Variants in TAT observed in about 807,000 individuals in gnomAD.
The protein encoded by TAT is L-tyrosine:2-oxoglutarate aminotransferase.
A neutral mutation model predicts 53.6 loss-of-function variants in TAT; 35 were observed. That is an observed-to-expected ratio of 0.65 (90% confidence interval 0.50 to 0.87). TAT has a LOEUF of 0.87. Among genes scored for constraint, TAT ranks in the 40% least tolerant of loss-of-function variants. The probability of loss-of-function intolerance (pLI) is 0.00; values close to 1 mark genes in which losing one functional copy is unlikely to be tolerated. For synonymous variants in TAT, 197 were observed against 206.5 expected (o/e 0.95, Z 0.39); for missense variants, 525 against 571.8 (o/e 0.92, Z 0.83).
Position 71,569,880 on chromosome 16 carries a change from G to A in TAT, c.1099C>T (p.Arg367Cys), listed in dbSNP as rs759212173. The A allele has an allele frequency of 5.3e-5, 85 of 1,613,792 alleles. No homozygotes were observed. The highest frequency in any genetic ancestry group is 9.9e-5 in the South Asian group (9 of 90,970). Residue 367 changes from arginine (R) to cysteine (C), a missense_variant, in exon 10 of 12, where the codon CGC becomes TGC. Coordinates refer to ENST00000355962, the MANE Select transcript of TAT (RefSeq NM_000353.3). Reference sequence around the variant, plus strand: ...ATGAGGTACATAGCCCCAGAAGGGCGGACTGGCCGGAGTCCAGGGATGGCA... The same window carrying A: ...ATGAGGTACATAGCCCCAGAAGGGCAGACTGGCCGGAGTCCAGGGATGGCA... ...LAAIPGLRPV[R>C]PSGAMYLMVG...
In TAT at chr16:71,566,747, AAAG is replaced by A. The variant is rs2044165637; in HGVS notation, c.*1394_*1396del. ...TAACTCCAAAAGTCAGTACATTTAC[AAAG>A]AAGTAAATGAAACCTCATAGGTAAT... On this transcript the variant is annotated 3_prime_UTR_variant, in exon 12 of 12. Coordinates refer to ENST00000355962, the MANE Select transcript of TAT (RefSeq NM_000353.3). 6.6e-6 allele frequency: 1 copy of A among 152,146 alleles called. No individual in the cohort carries two copies. Among genetic ancestry groups the A allele is most frequent in the African/African-American group, 2.4e-5 (1 of 41,460 alleles). The allele number at this position is 152,146 out of a possible 1,614,324, so 9.4% of individuals were successfully genotyped here.
chr16:71,572,234 G>A lies in TAT; in HGVS notation c.658C>T (p.Pro220Ser). ...ACLIVNNPSN[P>S]CGSVFSKRHL... ...CGTTTGCTGAACACTGACCCACAGG[G>A]GTTTGATGGATTATTGACAATGAGA... Residue 220 changes from proline (P) to serine (S), a missense_variant, in exon 6 of 12, where the codon CCC becomes TCC. Coordinates refer to ENST00000355962, the MANE Select transcript of TAT (RefSeq NM_000353.3). The A allele has an allele frequency of 1.2e-6, 2 of 1,614,178 alleles. No homozygotes were observed. The highest frequency in any genetic ancestry group is 1.7e-6 in the Non-Finnish European group (2 of 1,180,014).
rs765262169 is a variant in TAT at position 71,570,395 on chromosome 16, G to T, written c.915C>A (p.Ile305=). Residue 305 remains isoleucine, a splice_region_variant and synonymous_variant, in exon 9 of 12, where the codon ATC becomes ATA. Transcript: ENST00000355962. ...GACTCAGCTTCACCAGCCCATCTCG[G>T]ATCTAAAAGACACCCACAAGAAACA... ...HDRRDIFGNE[I]RDGLVKLSQR... 2 of 1,614,116 alleles carry T rather than the reference G, an allele frequency of 1.2e-6. No individual in the cohort carries two copies. Among genetic ancestry groups the T allele is most frequent in the Admixed American group, 3.3e-5 (2 of 60,022 alleles).
intron 6 of TAT, chr16:71,571,883 C>G: frequency 1.6e-6 from 1 of 633,458 alleles, no homozygotes; most frequent in South Asian, 1.9e-5. Flanking sequence ...GAGTGCAGAG[C>G]CTGAATTCAC....
At chr16:71,569,995 G>T in intron 9 of TAT, 58 bp from the exon 10 acceptor site, 1 of 1,538,832 alleles carries the variant, frequency 6.5e-7, no homozygotes, top group Non-Finnish European at 8.9e-7. Flanking sequence ...GAAAAGCCAA[G>T]TCATTAAAAA....
In TAT at chr16:71,569,768, C is replaced by T. The variant is rs934286072; in HGVS notation, c.1125+86G>A. On this transcript the variant is annotated intron_variant, in intron 10 of 11. Coordinates refer to ENST00000355962, the MANE Select transcript of TAT (RefSeq NM_000353.3). ...GCCAGCTGGTTGTCTTTGTACCCTG[C>T]GTGACTGCCTGTGGCAATTCTGCTG... 2.6e-5 allele frequency: 34 copies of T among 1,305,438 alleles called. No homozygotes were observed. In the South Asian group the frequency reaches 2.9e-4, roughly 11 times the overall value. The allele number at this position is 1,305,438 out of a possible 1,614,324, so 80.9% of individuals were successfully genotyped here.
chr16:71,574,204 T>C (rs1246699745), intron 3 of TAT, among the ~76,000 whole-genome samples: 2 of 152,272 alleles, frequency 1.3e-5, no homozygotes, highest in African/African-American at 4.8e-5. Flanking sequence ...CTGCACCATC[T>C]TGATTTCTGT....
intron 11 of TAT, 92 bp downstream of exon 11, chr16:71,568,619 G>T (rs1341458308): frequency 1.1e-6 from 1 of 949,590 alleles, no homozygotes; most frequent in East Asian, 2.6e-5. Context: ...CATTTTGTTG[G>T]AGGAGAAAAG....
At chr16:71,572,844 A>G (rs1323475341) in intron 4 of TAT, among the ~76,000 whole-genome samples, 156 bp from the exon 5 acceptor site, 1 of 152,258 alleles carries the variant, frequency 6.6e-6, no homozygotes, top group East Asian at 1.9e-4. Flanking sequence ...AGAAATTTAT[A>G]TATGTTGATA....
chr16:71,571,104 T>C (rs961605040), intron 7 of TAT, among the ~76,000 whole-genome samples: 44 of 152,228 alleles, frequency 2.9e-4, no homozygotes, highest in Non-Finnish European at 1.8e-4. Flanking sequence ...AAGCTGGCTC[T>C]ATGAAATTAC....
At position 71,570,216 on chromosome 16, in the gene TAT, C is replaced by T. The variant is rs886833910; in HGVS notation, c.1041+53G>A. On this transcript the variant is annotated intron_variant, in intron 9 of 11. Transcript: ENST00000355962. ...AACCAATTATTCCTAATTCCACGGG[C>T]GGCATTCTCTGACTCCCAAACTCCC... is the stretch of plus-strand genomic sequence containing the variant. 53 of 1,613,266 alleles carry T rather than the reference C, an allele frequency of 3.3e-5. No homozygotes were observed. In the East Asian group the frequency reaches 4.9e-4, roughly 15 times the overall value.
Position 71,567,163 on chromosome 16 carries a change from C to CT in TAT, c.*980dup, listed in dbSNP as rs2044168914. 1 of 152,122 alleles carries CT rather than the reference C, an allele frequency of 6.6e-6. No individual in the cohort carries two copies. Among genetic ancestry groups the CT allele is most frequent in the South Asian group, 2.1e-4 (1 of 4,828 alleles). The allele number at this position is 152,122 out of a possible 1,614,324, so 9.4% of individuals were successfully genotyped here. A position where few individuals can be genotyped will look rare whatever the true frequency, so the allele number is the denominator to read the frequency against. On this transcript the variant is annotated 3_prime_UTR_variant, in exon 12 of 12. Transcript: ENST00000355962. ...GTGGCTCACGCCTGTAATCCCAGTA[C>CT]TTTAGGAGACCCAGGCGGGCAGATT...
intron 9 of TAT, 110 bp from the exon 10 acceptor site, chr16:71,570,047 T>G: frequency 7.6e-7 from 1 of 1,315,072 alleles, no homozygotes; most frequent in Non-Finnish European, 1.1e-6. Flanking sequence ...TGTGATGTTC[T>G]GGCATAAGGA....
At chr16:71,570,561 C>T in intron 8 of TAT, 118 bp downstream of exon 8, 1 of 1,570,352 alleles carries the variant, frequency 6.4e-7, no homozygotes, top group Non-Finnish European at 8.7e-7. Flanking sequence ...AGCTCTGCCA[C>T]ACACATGCTG....
rs781277865 is a variant in TAT at position 71,565,864 on chromosome 16, C to T, written c.*2280G>A. The T allele has an allele frequency of 6.6e-6, 1 of 152,124 alleles. No individual in the cohort carries two copies. The highest frequency in any genetic ancestry group is 2.4e-5 in the African/African-American group (1 of 41,404). 9.4% of individuals were successfully genotyped at this position (152,124 alleles called of 1,614,324 possible). Reference sequence around the variant, plus strand: ...GTTTGTTTGTATCGTTTGAAATTGTCCAGTGTGTATGTGTTCTTTTCAAAT... The same window carrying T: ...GTTTGTTTGTATCGTTTGAAATTGTTCAGTGTGTATGTGTTCTTTTCAAAT... On this transcript the variant is annotated 3_prime_UTR_variant, in exon 12 of 12. Transcript: ENST00000355962.
At chr16:71,576,093 AC>A in intron 2 of TAT, 67 bp from the exon 3 acceptor site, 1 of 1,607,844 alleles carries the variant, frequency 6.2e-7, no homozygotes, top group Non-Finnish European at 8.5e-7. Flanking sequence ...ACTCAGACTC[AC>A]CCCCAACTGC....
intron 10 of TAT, 67 bp from the exon 11 acceptor site, chr16:71,568,876 G>C (rs1201155203): frequency 2.6e-6 from 3 of 1,140,452 alleles, no homozygotes; most frequent in East Asian, 2.4e-5. Flanking sequence ...TCCTGTGCCA[G>C]AAATTAAGGT....
Position 71,569,918 on chromosome 16 carries a change from T to C in TAT, c.1061A>G (p.Tyr354Cys), listed in dbSNP as rs1353615248. 1.9e-6 allele frequency: 3 copies of C among 1,613,470 alleles called. No homozygotes were observed. The highest frequency in any genetic ancestry group is 2.5e-6 in the Non-Finnish European group (3 of 1,179,870). The stretch of plus-strand genomic sequence containing the variant: ...TCCAGGGATGGCAGCCAACGCCCCA[T>C]AACAGAGATCAGCATTGGACTACAA... Reference protein sequence around the residue: ...SFLKSNADLCYGALAAIPGLR... With the variant: ...SFLKSNADLCCGALAAIPGLR... Residue 354 changes from tyrosine (Y) to cysteine (C), a missense_variant, in exon 10 of 12, where the codon TAT becomes TGT. Tyr to Cys is a radical substitution (Grantham distance 194). Coordinates refer to ENST00000355962, the MANE Select transcript of TAT (RefSeq NM_000353.3).
At chr16:71,574,502 A>T (rs2044223737) in intron 3 of TAT, among the ~76,000 whole-genome samples, 1 of 146,638 alleles carries the variant, frequency 6.8e-6, no homozygotes, top group African/African-American at 2.6e-5. Flanking sequence ...AATCACTTGA[A>T]CCCGGGAGGC....
Sources: allele counts gnomAD v4.1 joint callset (sites outside exome capture counted in the v4.1 genomes callset), GRCh38; gene constraint gnomAD v4.1.1; transcripts MANE v1.5; gene names NCBI Gene and HGNC (gene_info 2026-07-23, HGNC 2026-07-21).